SMARCA4: variants seen among roughly 807,000 people sequenced by gnomAD.
SMARCA4 encodes the protein SWI/SNF related BAF chromatin remodeling complex subunit ATPase 4.
In SMARCA4, 31 loss-of-function variants were observed where a neutral mutation model predicts 193.9. That is an observed-to-expected ratio of 0.16 (90% CI 0.12 to 0.22). The LOEUF (loss-of-function observed/expected upper bound fraction) is 0.22. Among genes scored for constraint, SMARCA4 ranks in the 10% least tolerant of loss-of-function variants. The pLI is 1.00. For missense variants in SMARCA4, 1,148 were observed against 2,296.0 expected, an observed-to-expected ratio of 0.50 and a Z score of 10.22; for synonymous variants, 942 against 933.1, an observed-to-expected ratio of 1.01 and a Z score of -0.17.
intron 13 of SMARCA4, among the ~76,000 whole-genome samples, chr19:11,004,811 G>GT (rs146541347): frequency 0.095 from 14,173 of 149,246 alleles, 724 homozygotes; most frequent in South Asian, 0.11. Context: ...TGTGTTCAAT[G>GT]TTTTTTTTCC....
intron 15 of SMARCA4, 63 bp downstream of exon 15, chr19:11,010,594 G>C (rs891959433): frequency 6.4e-7 from 1 of 1,552,644 alleles, no homozygotes; most frequent in African/African-American, 1.4e-5. Context: ...TTCCCAGGTG[G>C]TGCGGGCTTC....
At chr19:11,050,665 C>T (rs2076208328) in intron 30 of SMARCA4, among the ~76,000 whole-genome samples, 1 of 152,246 alleles carries the variant, frequency 6.6e-6, no homozygotes, top group Non-Finnish European at 1.5e-5. Context: ...AGTGGTTATA[C>T]CTTGTGCAAG....
At chr19:11,012,845 A>T in intron 15 of SMARCA4, 104 bp from the exon 16 acceptor site, 1 of 1,029,124 alleles carries the variant, frequency 9.7e-7, no homozygotes, top group Non-Finnish European at 1.5e-6. Context: ...GATGTGGCTT[A>T]GGCAGAACTC....
intron 23 of SMARCA4, among the ~76,000 whole-genome samples, chr19:11,027,350 T>C (rs967652336): frequency 6.6e-6 from 1 of 152,128 alleles, no homozygotes; most frequent in African/African-American, 2.4e-5. Context: ...GGAGAGAACA[T>C]GAGAAGCCGA....
chr19:10,977,420 T>A (rs1428940690), intron 1 of SMARCA4, among the ~76,000 whole-genome samples: 1 of 151,590 alleles, frequency 6.6e-6, no homozygotes, highest in Admixed American at 6.6e-5. Flanking sequence ...GCCTCTCGGG[T>A]TCAATCAATT....
In SMARCA4 at chr19:11,041,526, A is replaced by G. The variant is rs2146822428; in HGVS notation, c.4390A>G (p.Lys1464Glu). 2 of 1,613,790 alleles carry G rather than the reference A, an allele frequency of 1.2e-6. No homozygotes were observed. Among genetic ancestry groups the G allele is most frequent in the Non-Finnish European group, 1.7e-6 (2 of 1,179,978 alleles). ...ACCCAACCTCACCAAGAAGATGAAG[A>G]AGATTGTGGATGCCGTGATCAAGTA... ...NPPNLTKKMK[K>E]IVDAVIKYKD... Residue 1464 changes from lysine (K) to glutamate (E), a missense_variant, in exon 30 of 35, where the codon AAG becomes GAG. Lys to Glu is a moderately conservative substitution (Grantham distance 56). Around this residue, in one of 17 missense-constraint regions of SMARCA4, gnomAD observed 141 missense variants for 193.0 expected, o/e 0.73. Coordinates refer to ENST00000344626, the MANE Select transcript of SMARCA4 (RefSeq NM_003072.5). The surrounding 1 kb of genome is among the most constrained non-coding windows in gnomAD (Gnocchi z 5.6).
intron 29 of SMARCA4, among the ~76,000 whole-genome samples, chr19:11,036,869 C>T (rs1033657392): frequency 2.6e-5 from 4 of 152,182 alleles, no homozygotes; most frequent in Admixed American, 6.5e-5. Flanking sequence ...CTGTTCTGGG[C>T]GTTTCCTGTC....
At position 11,004,645 on chromosome 19, in the gene SMARCA4, C is replaced by T. The variant is rs536248722; in HGVS notation, c.2001+1248C>T. 2.0e-5 allele frequency among the ~76,000 whole-genome samples: 3 copies of T among 152,298 alleles called. No individual in the cohort carries two copies. The East Asian group carries it at 5.8e-4, about 29-fold the overall frequency. On this transcript the variant is annotated intron_variant, in intron 13 of 34. Coordinates refer to ENST00000344626, the MANE Select transcript of SMARCA4 (RefSeq NM_003072.5). ...TACTTTCAACCTGAATCTACAACAG[C>T]ATATGGGTTTTGCATTTTCAGCTAG...
At chr19:11,027,629 AGCTTTGGGTGGGTGACGTCT>A in intron 23 of SMARCA4, 135 bp from the exon 24 acceptor site, 1 of 795,324 alleles carries the variant, frequency 1.3e-6, no homozygotes, top group Non-Finnish European at 2.1e-6. Flanking sequence ...GCTTTGCTGA[AGCTTTGGGTGGGTGACGTCT>A]GCTTAGGATG....
chr19:11,033,531 C>G lies in SMARCA4; in HGVS notation c.3774+14C>G, dbSNP rs200481546. 1 of 1,597,530 alleles carries G rather than the reference C, an allele frequency of 6.3e-7. No individual in the cohort carries two copies. The highest frequency in any genetic ancestry group is 8.6e-7 in the Non-Finnish European group (1 of 1,165,892). On this transcript the variant is annotated intron_variant, in intron 26 of 34. Coordinates refer to ENST00000344626, the MANE Select transcript of SMARCA4 (RefSeq NM_003072.5). The surrounding 1 kb of genome is among the most constrained non-coding windows in gnomAD (Gnocchi z 9.8). ...GAGCAGGATGAGGTGAGCCCAGCAC[C>G]GGCCCCGACCCCTCCCCAGCGTGAA...
Position 10,987,084 on chromosome 19 carries a change from G to C in SMARCA4, c.859+81G>C. On this transcript the variant is annotated intron_variant, in intron 5 of 34. Coordinates refer to ENST00000344626, the MANE Select transcript of SMARCA4 (RefSeq NM_003072.5). This position sits in a 1 kb window ranked among gnomAD's most constrained non-coding sequence, Gnocchi z 5.3. ...TGGGTCCTTGAGATGAGCTTTGTCA[G>C]GGAGAAAGGGCCGAGGGTGGTCAGG... 1 of 1,036,184 alleles carries C rather than the reference G, an allele frequency of 9.7e-7. No individual in the cohort carries two copies. Among genetic ancestry groups the C allele is most frequent in the Non-Finnish European group, 1.5e-6 (1 of 679,056 alleles). 64.2% of individuals were successfully genotyped at this position (1,036,184 alleles called of 1,614,324 possible).
chr19:10,982,346 T>C (rs1239024938), intron 1 of SMARCA4, among the ~76,000 whole-genome samples: 2 of 151,696 alleles, frequency 1.3e-5, no homozygotes, highest in Non-Finnish European at 2.9e-5. Context: ...TGGTGGTGTG[T>C]GCTTGTAATC....
chr19:10,974,620 T>G (rs1041241796), intron 1 of SMARCA4, among the ~76,000 whole-genome samples: 4 of 144,596 alleles, frequency 2.8e-5, no homozygotes, highest in Non-Finnish European at 6.0e-5. Flanking sequence ...TGACAGCGGT[T>G]TGTGCATGTT....
At chr19:11,051,551 CCT>C in intron 30 of SMARCA4, among the ~76,000 whole-genome samples, 1 of 149,676 alleles carries the variant, frequency 6.7e-6, no homozygotes, top group South Asian at 2.1e-4. Context: ...AGTGCAGTAG[CCT>C]GATCTCAGCT....
rs375952933 is a variant in SMARCA4 at position 10,987,538 on chromosome 19, G to C, written c.860-128G>C. On this transcript the variant is annotated intron_variant, in intron 5 of 34. Coordinates refer to ENST00000344626, the MANE Select transcript of SMARCA4 (RefSeq NM_003072.5). The surrounding 1 kb of genome is among the most constrained non-coding windows in gnomAD (Gnocchi z 5.3). ...AGGCAGGTGTGAAGGACACCCCTGG[G>C]TGAAAGGTGGGAGATGGGCGGGGTC... is the stretch of plus-strand genomic sequence containing the variant. 31 of 1,065,456 alleles carry C rather than the reference G, an allele frequency of 2.9e-5. No homozygotes were observed. The East Asian group carries it at 4.5e-4, about 15-fold the overall frequency. The allele number at this position is 1,065,456 out of a possible 1,614,324, so 66.0% of individuals were successfully genotyped here.
At chr19:11,026,181 C>A in intron 22 of SMARCA4, 119 bp from the exon 23 acceptor site, 2 of 820,968 alleles carry the variant, frequency 2.4e-6, no homozygotes, top group East Asian at 2.4e-5. Context: ...GCCGTGGGCC[C>A]GTGCCGAGCA....
In SMARCA4 at chr19:11,058,195, G is replaced by A; in HGVS notation, c.4425-60G>A. On this transcript the variant is annotated intron_variant, in intron 30 of 34. Coordinates refer to ENST00000344626, the MANE Select transcript of SMARCA4 (RefSeq NM_003072.5). This position sits in a 1 kb window ranked among gnomAD's most constrained non-coding sequence, Gnocchi z 5.8. The stretch of plus-strand genomic sequence containing the variant: ...AAACAATGTGGGAACCTGCTGAGGT[G>A]GGGTGGGGGCTCCCGGGTGGGCGGA... The A allele has an allele frequency of 9.5e-7, 1 of 1,047,590 alleles. No homozygotes were observed. Among genetic ancestry groups the A allele is most frequent in the Non-Finnish European group, 1.5e-6 (1 of 673,654 alleles). 64.9% of individuals were successfully genotyped at this position (1,047,590 alleles called of 1,614,324 possible).
rs190748835 is a variant in SMARCA4 at position 11,015,589 on chromosome 19, C to T, written c.2438+2477C>T. ...TTACACTTTCCGTTAATAACTGTCTCGTGGGAACGTACTTCGACACTTGTG... is the reference window on the plus strand; with the variant it reads ...TTACACTTTCCGTTAATAACTGTCTTGTGGGAACGTACTTCGACACTTGTG... On this transcript the variant is annotated intron_variant, in intron 16 of 34. Transcript: ENST00000344626. Among the ~76,000 whole-genome samples the T allele has an allele frequency of 2.6e-3, 403 of 152,270 alleles. 9 individuals are homozygous for T. The highest frequency in any genetic ancestry group is 0.021 in the Admixed American group (320 of 15,292).
chr19:11,054,878 C>A (rs1344273734), intron 30 of SMARCA4, among the ~76,000 whole-genome samples: 1 of 152,146 alleles, frequency 6.6e-6, no homozygotes, highest in African/African-American at 2.4e-5. Flanking sequence ...GGGTGGACTC[C>A]CCTTTGTAGG....
Sources: gnomAD v4.1 joint callset for allele counts (sites outside exome capture counted in the v4.1 genomes callset) on GRCh38, gnomAD v4.1.1 for gene constraint, gnomAD v4.1.1 regional missense constraint, Gnocchi (gnomAD v3.1) non-coding constraint, MANE v1.5 for transcripts, NCBI Gene and HGNC (gene_info 2026-07-23, HGNC 2026-07-21) for gene names.